DIP2C: variants seen among roughly 807,000 people sequenced by gnomAD.
DIP2C encodes DIP2 acetate--CoA ligase C (putative), also known as disco-interacting protein 2 homolog C.
Under a neutral mutation model 192.4 loss-of-function variants are expected in DIP2C, and 33 were observed. The observed-to-expected ratio is 0.17, with a 90% CI of 0.13 to 0.23. The LOEUF (loss-of-function observed/expected upper bound fraction) is 0.23. DIP2C is among the 10% of genes least tolerant of loss of function. The probability of loss-of-function intolerance (pLI) is 1.00; values close to 1 mark genes in which losing one functional copy is unlikely to be tolerated. For missense variants in DIP2C, 1,537 were observed against 2,110.1 expected, an observed-to-expected ratio of 0.73 and a Z score of 5.32; for synonymous variants, 979 against 864.1, an observed-to-expected ratio of 1.13 and a Z score of -2.33.
In DIP2C at chr10:390,249, C is replaced by T. The variant is rs746945585; in HGVS notation, c.1494+15G>A. ...CCACACTCAGGGCCAGTGGAGGAGG[C>T]CAAGGCTGACTCACCTCAATATACG... On this transcript the variant is annotated intron_variant, in intron 12 of 36. Transcript: ENST00000280886. 2 of 1,612,682 alleles carry T rather than the reference C, an allele frequency of 1.2e-6. No individual in the cohort carries two copies. Among genetic ancestry groups the T allele is most frequent in the African/African-American group, 1.3e-5 (1 of 74,900 alleles).
intron 4 of DIP2C, among the ~76,000 whole-genome samples, chr10:436,241 G>A (rs1454537357): frequency 6.6e-6 from 1 of 152,192 alleles, no homozygotes; most frequent in South Asian, 2.1e-4. Flanking sequence ...TGTGTATGCA[G>A]TGATTGTTTG....
At chr10:327,326 TAACA>T in intron 30 of DIP2C, 150 bp from the exon 31 acceptor site, 1 of 818,978 alleles carries the variant, frequency 1.2e-6, no homozygotes, top group Non-Finnish European at 1.8e-6. Flanking sequence ...TTCTTCAATA[TAACA>T]AACCAGGAGT....
chr10:559,972 C>CCCA (rs540488455), intron 1 of DIP2C, among the ~76,000 whole-genome samples: 1,460 of 142,802 alleles, frequency 0.01, 9 homozygotes, highest in Middle Eastern at 0.024. Flanking sequence ...ACCTCTCCCC[C>CCCA]CCACTCCTGT....
chr10:639,434 C>T (rs529132310), intron 1 of DIP2C, among the ~76,000 whole-genome samples: 40 of 141,012 alleles, frequency 2.8e-4, no homozygotes, highest in Middle Eastern at 3.7e-3. Context: ...CACATGGGGA[C>T]GCGTCAGGTT....
At chr10:546,423 G>A (rs1361687165) in intron 1 of DIP2C, among the ~76,000 whole-genome samples, 1 of 152,112 alleles carries the variant, frequency 6.6e-6, no homozygotes, top group East Asian at 1.9e-4. Flanking sequence ...AACACCTAAC[G>A]CCTCTCTGCA....
intron 29 of DIP2C, among the ~76,000 whole-genome samples, chr10:333,793 C>G (rs1957613006): frequency 6.6e-6 from 1 of 152,200 alleles, no homozygotes; most frequent in Non-Finnish European, 1.5e-5. Context: ...GTTTTGAAGT[C>G]AGAAAACACG....
chr10:441,674 A>G (rs184143127), intron 3 of DIP2C, among the ~76,000 whole-genome samples: 1 of 152,266 alleles, frequency 6.6e-6, no homozygotes, highest in Non-Finnish European at 1.5e-5. Context: ...GCCTCCCACC[A>G]TGATTCTGAG....
chr10:507,023 G>A (rs1012765808), intron 1 of DIP2C, among the ~76,000 whole-genome samples: 3 of 152,044 alleles, frequency 2.0e-5, no homozygotes, highest in African/African-American at 4.8e-5. Context: ...GATAAGAGGT[G>A]TGAGGTCACG....
chr10:311,085 T>C (rs1199722185), intron 31 of DIP2C, among the ~76,000 whole-genome samples: 1 of 151,320 alleles, frequency 6.6e-6, no homozygotes, highest in Non-Finnish European at 1.5e-5. Context: ...TGGGCCCTGG[T>C]ATCTCACCAC....
chr10:331,617 TGA>T (rs1246060641), intron 29 of DIP2C, among the ~76,000 whole-genome samples: 1 of 152,244 alleles, frequency 6.6e-6, no homozygotes, highest in East Asian at 1.9e-4. Flanking sequence ...ATTTAAAACA[TGA>T]GAGAGGAAGT....
intron 1 of DIP2C, among the ~76,000 whole-genome samples, chr10:513,224 T>C (rs1846137965): frequency 6.6e-6 from 1 of 152,244 alleles, no homozygotes; most frequent in Non-Finnish European, 1.5e-5. Context: ...CATGTTAGAA[T>C]TTATGACTCG....
At chr10:366,440 T>C (rs558055279) in intron 18 of DIP2C, 29 bp from the exon 19 acceptor site, 2 of 1,613,508 alleles carry the variant, frequency 1.2e-6, no homozygotes, top group African/African-American at 1.3e-5. Context: ...GCACATGCAG[T>C]GTGAGAGGGG....
At chr10:552,633 G>A (rs187866248) in intron 1 of DIP2C, among the ~76,000 whole-genome samples, 1,778 of 152,308 alleles carry the variant, frequency 0.012, 17 homozygotes, top group South Asian at 0.016. Flanking sequence ...GGCGGATCAC[G>A]AGGTCAGGAG....
intron 1 of DIP2C, among the ~76,000 whole-genome samples, chr10:534,866 C>T (rs1269499844): frequency 1.3e-5 from 2 of 151,398 alleles, no homozygotes; most frequent in East Asian, 1.9e-4. Context: ...TTAGTAGAGA[C>T]GGGGTTTCAC....
intron 1 of DIP2C, among the ~76,000 whole-genome samples, chr10:576,780 G>A (rs1483151326): frequency 1.3e-5 from 2 of 152,070 alleles, no homozygotes; most frequent in Admixed American, 6.6e-5. Context: ...GGTGGCACGC[G>A]CCTGTAACCC....
chr10:468,076 A>C (rs1234446264), intron 3 of DIP2C, among the ~76,000 whole-genome samples: 1 of 152,170 alleles, frequency 6.6e-6, no homozygotes, highest in East Asian at 1.9e-4. Context: ...TTTCCTTGTG[A>C]ATGATTCCAG....
At chr10:619,205 C>T (rs1853673061) in intron 1 of DIP2C, among the ~76,000 whole-genome samples, 2 of 152,182 alleles carry the variant, frequency 1.3e-5, no homozygotes, top group Admixed American at 1.3e-4. Context: ...AGTCACATTT[C>T]AATACGTGCA....
intron 1 of DIP2C, among the ~76,000 whole-genome samples, chr10:562,353 G>A (rs183417453): frequency 4.6e-5 from 7 of 152,342 alleles, no homozygotes; most frequent in South Asian, 2.1e-4. Flanking sequence ...CAAAGTTACA[G>A]GTGGACCTTC....
chr10:609,163 A>C (rs918115291), intron 1 of DIP2C, among the ~76,000 whole-genome samples: 3 of 152,138 alleles, frequency 2.0e-5, no homozygotes, highest in Non-Finnish European at 4.4e-5. Context: ...AAACATGACT[A>C]CAAAAATATT....
Sources: gnomAD v4.1 joint callset for allele counts (sites outside exome capture counted in the v4.1 genomes callset) on GRCh38, gnomAD v4.1.1 for gene constraint, MANE v1.5 for transcripts, NCBI Gene and HGNC (gene_info 2026-07-23, HGNC 2026-07-21) for gene names.